Variants in RRAGB observed in about 807,000 individuals in gnomAD.
RRAGB encodes the protein Ras related GTP binding B.
RRAGB carries 6 observed loss-of-function variants against 29.3 expected under a neutral mutation model. That is an observed-to-expected ratio of 0.21 (90% CI 0.11 to 0.40). The LOEUF (loss-of-function observed/expected upper bound fraction) is 0.40. Among genes scored for constraint, RRAGB ranks in the 10% least tolerant of loss-of-function variants. RRAGB has a pLI of 1.00. For missense variants in RRAGB, 184 were observed against 272.9 expected (o/e 0.67, Z 2.29); for synonymous variants, 101 against 92.5 (o/e 1.09, Z -0.53).
At chrX:55,753,880 A>T (rs764984771) in intron 7 of RRAGB, among the ~76,000 whole-genome samples, 2 of 111,770 alleles carry the variant, frequency 1.8e-5, no homozygotes, top group South Asian at 3.8e-4. Flanking sequence ...CCCCGTCTCT[A>T]CCAAAAAATA....
At chrX:55,739,348 G>T (rs2033972427) in intron 5 of RRAGB, among the ~76,000 whole-genome samples, 1 of 112,525 alleles carries the variant, frequency 8.9e-6, no homozygotes, top group East Asian at 2.8e-4. Flanking sequence ...GCAGATCTCA[G>T]TTGGGAGCTT....
intron 3 of RRAGB, among the ~76,000 whole-genome samples, chrX:55,727,040 A>G (rs775703812): frequency 7.2e-5 from 8 of 111,685 alleles, no homozygotes; most frequent in Non-Finnish European, 1.1e-4. Flanking sequence ...AGTTGTAGGT[A>G]TGATATCAGA....
intron 5 of RRAGB, among the ~76,000 whole-genome samples, chrX:55,747,591 C>T (rs894030720): frequency 6.3e-5 from 7 of 111,520 alleles, no homozygotes; most frequent in African/African-American, 2.0e-4. Flanking sequence ...CAAAAATGTT[C>T]GAAATTATGT....
intron 5 of RRAGB, among the ~76,000 whole-genome samples, chrX:55,747,030 G>A (rs1455834714): frequency 2.7e-5 from 3 of 111,966 alleles, no homozygotes; most frequent in Admixed American, 9.4e-5. Flanking sequence ...TACTTCACAC[G>A]TCACCTTTAG....
In RRAGB at chrX:55,731,461, G is replaced by A. The variant is rs1418385559; in HGVS notation, c.391G>A (p.Glu131Lys). The change falls in exon 5 of 10, where the codon GAA becomes AAA. Residue 131 changes from glutamate (E) to lysine (K), a missense_variant. Physicochemically the swap from Glu to Lys is moderately conservative, Grantham distance 56. Coordinates refer to ENST00000374941, the MANE Select transcript of RRAGB (RefSeq NM_006064.5). ...TTATGTCTTTGATGTGGAGAGCCGC[G>A]AACTGGAAAAGGACATGCACTATTA... ...LIYVFDVESR[E>K]LEKDMHYYQS... The A allele has an allele frequency of 1.7e-6, 2 of 1,208,669 alleles. No individual in the cohort carries two copies. Among genetic ancestry groups the A allele is most frequent in the Non-Finnish European group, 2.2e-6 (2 of 893,159 alleles).
chrX:55,741,336 T>G (rs1016730476), intron 5 of RRAGB, among the ~76,000 whole-genome samples: 1 of 111,961 alleles, frequency 8.9e-6, no homozygotes, highest in African/African-American at 3.3e-5. Flanking sequence ...GTGAGTTGTC[T>G]CCACTGCTTT....
At position 55,751,165 on chromosome X, in the gene RRAGB, G is replaced by A. The variant is rs757907895; in HGVS notation, c.581G>A (p.Arg194Gln). The change falls in exon 6 of 10, where the codon CGA becomes CAA. Residue 194 changes from arginine (R) to glutamine (Q), a missense_variant. Arg to Gln is a conservative substitution (Grantham distance 43, BLOSUM62 1). Coordinates refer to ENST00000374941, the MANE Select transcript of RRAGB (RefSeq NM_006064.5). ...CGCCCATTGGAATGTTCTTGTTTCC[G>A]AACATCTATCTGGGATGAAACCCTC... ...LSRPLECSCF[R>Q]TSIWDETLYK... 2.5e-6 allele frequency: 3 copies of A among 1,178,808 alleles called. No homozygotes were observed. Among genetic ancestry groups the A allele is most frequent in the South Asian group, 1.8e-5 (1 of 55,647 alleles).
intron 6 of RRAGB, 77 bp downstream of exon 6, chrX:55,751,273 A>T (rs1421423115): frequency 7.9e-6 from 4 of 504,619 alleles, no homozygotes; most frequent in Non-Finnish European, 1.3e-5. Flanking sequence ...AACCTAAAAG[A>T]TTTTAAACTA....
intron 3 of RRAGB, among the ~76,000 whole-genome samples, chrX:55,728,543 GGACCTTGAATGC>G (rs1360508207): frequency 9.0e-6 from 1 of 111,282 alleles, no homozygotes; most frequent in Non-Finnish European, 1.9e-5. Flanking sequence ...AAATTGTGAA[GGACCTTGAATGC>G]CTCCCCATAG....
At chrX:55,741,199 C>G (rs1341460851) in intron 5 of RRAGB, among the ~76,000 whole-genome samples, 2 of 110,897 alleles carry the variant, frequency 1.8e-5, no homozygotes, top group East Asian at 2.9e-4. Flanking sequence ...TGATCATTGT[C>G]AGCTTCTGAT....
At chrX:55,738,824 C>T (rs2033954209) in intron 5 of RRAGB, among the ~76,000 whole-genome samples, 1 of 111,681 alleles carries the variant, frequency 9.0e-6, no homozygotes, top group Admixed American at 9.5e-5. Flanking sequence ...TCCCAAAAGT[C>T]CCTGTCTGTT....
intron 5 of RRAGB, among the ~76,000 whole-genome samples, chrX:55,749,376 C>A (rs1359883525): frequency 3.1e-5 from 3 of 97,497 alleles, no homozygotes; most frequent in Non-Finnish European, 6.3e-5. Flanking sequence ...GGGGTCAGCC[C>A]CCGCCCGGTC....
intron 5 of RRAGB, among the ~76,000 whole-genome samples, chrX:55,734,265 GT>G (rs747609585): frequency 7.4e-4 from 73 of 98,712 alleles, no homozygotes; most frequent in Middle Eastern, 5.2e-3. Flanking sequence ...GCCCGGCTGG[GT>G]TTTTTTTTTT....
chrX:55,748,078 G>C (rs1051684101), intron 5 of RRAGB, among the ~76,000 whole-genome samples: 7 of 112,583 alleles, frequency 6.2e-5, no homozygotes, highest in African/African-American at 1.9e-4. Flanking sequence ...CTGTGTTGGC[G>C]GGGCTGGTCT....
At chrX:55,752,031 A>G (rs1354549810) in intron 6 of RRAGB, among the ~76,000 whole-genome samples, 2 of 110,645 alleles carry the variant, frequency 1.8e-5, no homozygotes, top group African/African-American at 6.6e-5. Context: ...AGTATCTACA[A>G]CCAGAAGCAC....
chrX:55,743,761 A>G (rs182489255), intron 5 of RRAGB, among the ~76,000 whole-genome samples: 31 of 112,345 alleles, frequency 2.8e-4, no homozygotes, highest in South Asian at 1.1e-3. Context: ...GTCCCTGACC[A>G]TCCAGCAAAC....
intron 4 of RRAGB, among the ~76,000 whole-genome samples, chrX:55,730,263 A>T (rs1372364497): frequency 1.8e-5 from 2 of 112,292 alleles, no homozygotes; most frequent in African/African-American, 6.5e-5. Flanking sequence ...AAATGACTCC[A>T]TTCCTGCTAG....
chrX:55,752,072 T>C (rs1050735772), intron 6 of RRAGB, among the ~76,000 whole-genome samples: 11 of 96,901 alleles, frequency 1.1e-4, no homozygotes, highest in Admixed American at 2.4e-4. Flanking sequence ...AGAAAAACCA[T>C]TGGACTTTTA....
chrX:55,727,191 G>A, intron 3 of RRAGB: 1 of 647,372 alleles, frequency 1.5e-6, no homozygotes, highest in Non-Finnish European at 2.2e-6. Flanking sequence ...TGATATGGGA[G>A]TAGAAACCTG....
Sources: allele counts gnomAD v4.1 joint callset (sites outside exome capture counted in the v4.1 genomes callset), GRCh38; gene constraint gnomAD v4.1.1; transcripts MANE v1.5; gene names NCBI Gene and HGNC (gene_info 2026-07-23, HGNC 2026-07-21).